The following SBF2 variants were observed in gnomAD, a reference collection of about 807,000 sequenced individuals.
The protein encoded by SBF2 is SET binding factor 2.
Under a neutral mutation model 225.2 loss-of-function variants are expected in SBF2, and 112 were observed. That is an observed-to-expected ratio of 0.50 (90% CI 0.43 to 0.58). The LOEUF (loss-of-function observed/expected upper bound fraction) is 0.58. Among genes scored for constraint, SBF2 ranks in the 20% least tolerant of loss-of-function variants. SBF2 has a pLI of 0.00. For missense variants in SBF2, 1,996 were observed against 2,206.2 expected, an observed-to-expected ratio of 0.90 and a Z score of 1.91; for synonymous variants, 763 against 773.3, an observed-to-expected ratio of 0.99 and a Z score of 0.22.
At chr11:9,847,447 A>C (rs1171231862) in intron 22 of SBF2, among the ~76,000 whole-genome samples, 2 of 151,176 alleles carry the variant, frequency 1.3e-5, no homozygotes, top group African/African-American at 2.4e-5. Context: ...CATTCTTTCT[A>C]TCTCCCCAAC....
At chr11:10,034,465 C>T (rs1565156813) in intron 3 of SBF2, among the ~76,000 whole-genome samples, 1 of 152,204 alleles carries the variant, frequency 6.6e-6, no homozygotes, top group Admixed American at 6.5e-5. Flanking sequence ...GGAAGTTTAT[C>T]CTACCATTCA....
chr11:9,820,729 A>G (rs1854702452), intron 28 of SBF2, among the ~76,000 whole-genome samples: 1 of 152,184 alleles, frequency 6.6e-6, no homozygotes, highest in Non-Finnish European at 1.5e-5. Context: ...CTTTGATCAC[A>G]TTGTGTCGAT....
chr11:10,104,443 C>T (rs1388532277), intron 2 of SBF2, among the ~76,000 whole-genome samples: 6 of 152,190 alleles, frequency 3.9e-5, no homozygotes, highest in Admixed American at 6.5e-5. Flanking sequence ...AAGCAGCAAT[C>T]GGCAATCAGA....
chr11:9,965,730 G>T (rs1866865262), intron 14 of SBF2, among the ~76,000 whole-genome samples: 1 of 152,116 alleles, frequency 6.6e-6, no homozygotes, highest in Non-Finnish European at 1.5e-5. Context: ...AAAACAACTG[G>T]CATAATACAA....
intron 13 of SBF2, among the ~76,000 whole-genome samples, chr11:9,978,932 G>A (rs1460106165): frequency 2.0e-5 from 3 of 152,166 alleles, no homozygotes; most frequent in Non-Finnish European, 4.4e-5. Context: ...CCAGGAGGTC[G>A]AGGCTGCAGT....
chr11:10,175,242 T>C (rs1490665270), intron 2 of SBF2, among the ~76,000 whole-genome samples: 3 of 151,728 alleles, frequency 2.0e-5, no homozygotes, highest in Non-Finnish European at 4.4e-5. Context: ...TCAAGACCCA[T>C]CAGTGTTCTG....
upstream of SBF2, among the ~76,000 whole-genome samples, chr11:10,298,067 A>T (rs1964564427): frequency 6.6e-6 from 1 of 152,262 alleles, no homozygotes; most frequent in Non-Finnish European, 1.5e-5. Context: ...CATGATGTGT[A>T]TGTGGCAGAT....
At chr11:9,834,157 A>G (rs1855594749) in intron 26 of SBF2, among the ~76,000 whole-genome samples, 1 of 150,514 alleles carries the variant, frequency 6.6e-6, no homozygotes, top group Admixed American at 6.6e-5. Flanking sequence ...CAATGGTGCG[A>G]TCTTGGCTCA....
At chr11:9,801,663 A>T (rs1853497771) in intron 32 of SBF2, among the ~76,000 whole-genome samples, 1 of 152,244 alleles carries the variant, frequency 6.6e-6, no homozygotes, top group Non-Finnish European at 1.5e-5. Context: ...ACATCCTTCC[A>T]TATTACATGG....
chr11:10,198,976 A>C (rs1957478789), intron 1 of SBF2, among the ~76,000 whole-genome samples: 1 of 152,224 alleles, frequency 6.6e-6, no homozygotes, highest in Admixed American at 6.5e-5. Flanking sequence ...ATCAGTAATA[A>C]TGCTGTCTCA....
intron 6 of SBF2, among the ~76,000 whole-genome samples, chr11:10,026,841 T>C (rs1428464881): frequency 6.6e-6 from 1 of 152,164 alleles, no homozygotes; most frequent in Non-Finnish European, 1.5e-5. Context: ...ATGTACGTCA[T>C]ATTAGATAGA....
At chr11:9,967,943 G>GTCTC (rs1213862161) in intron 14 of SBF2, among the ~76,000 whole-genome samples, 105 of 104,876 alleles carry the variant, frequency 1.0e-3, no homozygotes, top group African/African-American at 3.6e-3. Context: ...CTGTCTGTCT[G>GTCTC]TCTGTCTCTC....
At chr11:10,231,543 T>G (rs1196088910) in intron 1 of SBF2, among the ~76,000 whole-genome samples, 1 of 152,206 alleles carries the variant, frequency 6.6e-6, no homozygotes, top group Non-Finnish European at 1.5e-5. Context: ...ACCCTCAGCT[T>G]CAGGTCTGTT....
intron 1 of SBF2, among the ~76,000 whole-genome samples, chr11:10,300,940 T>C (rs930419480): frequency 6.6e-6 from 1 of 152,096 alleles, no homozygotes; most frequent in Non-Finnish European, 1.5e-5. Context: ...CGAGCCACTG[T>C]ACTGGACCAT....
At chr11:9,887,395 T>A (rs993227060) in intron 17 of SBF2, among the ~76,000 whole-genome samples, 1 of 152,044 alleles carries the variant, frequency 6.6e-6, no homozygotes, top group African/African-American at 2.4e-5. Context: ...CTAAACTAAT[T>A]ATAATAATTC....
chr11:9,927,399 T>C (rs1241556634), intron 16 of SBF2, among the ~76,000 whole-genome samples: 1 of 152,076 alleles, frequency 6.6e-6, no homozygotes, highest in Non-Finnish European at 1.5e-5. Context: ...AGGCCAGCAA[T>C]ACCCTGCTAC....
At chr11:10,247,165 C>G (rs950000633) in intron 1 of SBF2, among the ~76,000 whole-genome samples, 12 of 152,078 alleles carry the variant, frequency 7.9e-5, no homozygotes, top group African/African-American at 2.9e-4. Context: ...ACTTTCCCAG[C>G]CAGCACATTA....
chr11:9,878,435 T>C (rs1377346368), intron 17 of SBF2, among the ~76,000 whole-genome samples: 1 of 152,224 alleles, frequency 6.6e-6, no homozygotes, highest in East Asian at 1.9e-4. Context: ...TTGTTGCCAT[T>C]GCTTTTGGTG....
At chr11:10,027,334 T>C (rs1949089291) in intron 6 of SBF2, among the ~76,000 whole-genome samples, 1 of 152,214 alleles carries the variant, frequency 6.6e-6, no homozygotes, top group Non-Finnish European at 1.5e-5. Flanking sequence ...GAAGACTCTA[T>C]TTATATTTAT....
Sources: allele counts gnomAD v4.1 joint callset (sites outside exome capture counted in the v4.1 genomes callset), GRCh38; gene constraint gnomAD v4.1.1; transcripts MANE v1.5; gene names NCBI Gene and HGNC (gene_info 2026-07-23, HGNC 2026-07-21).